WASF3: variants seen among roughly 807,000 people sequenced by gnomAD.
WASF3 encodes the protein actin-binding protein WASF3.
Under a neutral mutation model 46.6 loss-of-function variants are expected in WASF3, and 11 were observed. That is an observed-to-expected ratio of 0.24 (90% CI 0.15 to 0.39). WASF3 has a LOEUF of 0.39. Among genes scored for constraint, WASF3 ranks in the 10% least tolerant of loss-of-function variants. The pLI is 1.00. For missense variants in WASF3, 576 were observed against 669.8 expected, an observed-to-expected ratio of 0.86 and a Z score of 1.55; for synonymous variants, 242 against 259.7, an observed-to-expected ratio of 0.93 and a Z score of 0.65.
At chr13:26,665,227 A>G (rs1882736891) in intron 4 of WASF3, 65 bp downstream of exon 4, 2 of 1,561,556 alleles carry the variant, frequency 1.3e-6, no homozygotes, top group South Asian at 1.1e-5. Flanking sequence ...AATTAATTGC[A>G]GTGTAATTAC....
At chr13:26,680,953 G>T (rs1883206368) in intron 7 of WASF3, 101 bp from the exon 8 acceptor site, 2 of 1,405,146 alleles carry the variant, frequency 1.4e-6, no homozygotes, top group Non-Finnish European at 9.7e-7. Context: ...TCTGATTTTT[G>T]TGTATTAGCA....
chr13:26,606,071 G>A (rs1418437750), intron 1 of WASF3, among the ~76,000 whole-genome samples: 1 of 152,164 alleles, frequency 6.6e-6, no homozygotes, highest in Non-Finnish European at 1.5e-5. Context: ...GGCACCTGGT[G>A]GTGCAGTAAC....
chr13:26,583,582 A>T (rs1380988397), intron 1 of WASF3, among the ~76,000 whole-genome samples: 2 of 152,072 alleles, frequency 1.3e-5, no homozygotes, highest in Admixed American at 6.5e-5. Context: ...TTCATTGAAA[A>T]TTTTTTTAAA....
chr13:26,560,822 CA>C (rs1356364720), intron 1 of WASF3, among the ~76,000 whole-genome samples: 1 of 152,188 alleles, frequency 6.6e-6, no homozygotes, highest in Non-Finnish European at 1.5e-5. Flanking sequence ...AGTTCAGTCT[CA>C]AAGAGTTTTA....
intron 2 of WASF3, chr13:26,626,482 G>A (rs1881466401): frequency 6.6e-6 from 1 of 152,198 alleles, no homozygotes; most frequent in African/African-American, 2.4e-5. Context: ...AAGCCTGACT[G>A]AAGTTTGGCC....
chr13:26,618,845 G>A (rs1468882972), intron 2 of WASF3: 3 of 152,194 alleles, frequency 2.0e-5, no homozygotes, highest in African/African-American at 7.2e-5. Context: ...GCTGCCATTT[G>A]TATTTCTCTG....
chr13:26,606,522 ATT>A (rs769595616), intron 1 of WASF3: 16 of 137,000 alleles, frequency 1.2e-4, no homozygotes, highest in Non-Finnish European at 1.4e-4. Context: ...TGCCCAGCTA[ATT>A]TTTTTTTTTT....
At chr13:26,591,656 C>T (rs979919377) in intron 1 of WASF3, among the ~76,000 whole-genome samples, 5 of 152,052 alleles carry the variant, frequency 3.3e-5, no homozygotes, top group African/African-American at 7.3e-5. Flanking sequence ...TAGACATCCA[C>T]GTGAAGACAC....
chr13:26,643,341 A>AT lies in WASF3; in HGVS notation c.133+947dup, dbSNP rs138658771. On this transcript the variant is annotated intron_variant, in intron 3 of 9. Transcript: ENST00000335327. ...ATTGGTAGCCTCAAGCGAAGGGCAA[A>AT]TTTTTTTTTAACTCAACTACTTTTA... Among the ~76,000 whole-genome samples the AT allele has an allele frequency of 6.7e-3, 1,020 of 151,536 alleles. 5 individuals carry two copies. Among genetic ancestry groups the AT allele is most frequent in the Non-Finnish European group, 0.011 (738 of 67,810 alleles).
intron 1 of WASF3, among the ~76,000 whole-genome samples, chr13:26,580,996 A>G (rs1202993327): frequency 1.3e-5 from 2 of 149,202 alleles, no homozygotes; most frequent in African/African-American, 2.5e-5. Context: ...CAGTGGTACA[A>G]TCTTGGCTCA....
chr13:26,591,748 A>G (rs1272157018), intron 1 of WASF3, among the ~76,000 whole-genome samples: 2 of 152,142 alleles, frequency 1.3e-5, no homozygotes, highest in Non-Finnish European at 2.9e-5. Context: ...TTGTCAGGAT[A>G]TATGTGGCAT....
chr13:26,625,021 A>T (rs1881422429), intron 2 of WASF3, among the ~76,000 whole-genome samples: 1 of 152,208 alleles, frequency 6.6e-6, no homozygotes, highest in African/African-American at 2.4e-5. Flanking sequence ...GGGGCATCAG[A>T]TGGCGGTTGG....
At chr13:26,632,732 G>A (rs963721614) in intron 2 of WASF3, among the ~76,000 whole-genome samples, 5 of 152,152 alleles carry the variant, frequency 3.3e-5, no homozygotes, top group African/African-American at 4.8e-5. Context: ...GATTGGAATC[G>A]TTTCAGAAGG....
the WASF3 span, among the ~76,000 whole-genome samples, chr13:26,549,384 T>C: frequency 6.6e-6 from 1 of 152,186 alleles, no homozygotes; most frequent in Non-Finnish European, 1.5e-5. Context: ...GCAAGAAACA[T>C]TGTACTTAGC....
At chr13:26,576,054 GATGTAT>G (rs1879786897) in intron 1 of WASF3, among the ~76,000 whole-genome samples, 1 of 152,014 alleles carries the variant, frequency 6.6e-6, no homozygotes, top group African/African-American at 2.4e-5. Context: ...TCCAGAGTTT[GATGTAT>G]ATGTATCTTG....
intron 1 of WASF3, among the ~76,000 whole-genome samples, chr13:26,598,949 C>T (rs937619844): frequency 8.5e-5 from 13 of 152,286 alleles, no homozygotes; most frequent in African/African-American, 3.1e-4. Context: ...TGGCTCGCTG[C>T]ATCCTCTGTC....
At chr13:26,654,156 A>G (rs1291980172) in intron 3 of WASF3, among the ~76,000 whole-genome samples, 3 of 152,068 alleles carry the variant, frequency 2.0e-5, no homozygotes, top group Non-Finnish European at 4.4e-5. Context: ...CCCCGCCCCA[A>G]CACAAAGGGA....
chr13:26,638,534 GAATC>G (rs1881898105), intron 2 of WASF3: 1 of 152,138 alleles, frequency 6.6e-6, no homozygotes, highest in Non-Finnish European at 1.5e-5. Flanking sequence ...TCCAATAAAG[GAATC>G]AAGAGGCGTA....
chr13:26,665,604 T>G (rs1882747199), intron 4 of WASF3, among the ~76,000 whole-genome samples: 1 of 152,194 alleles, frequency 6.6e-6, no homozygotes, highest in Non-Finnish European at 1.5e-5. Flanking sequence ...CTGGTGATTC[T>G]GCTGATTTAA....
Sources: allele counts gnomAD v4.1 joint callset (sites outside exome capture counted in the v4.1 genomes callset), GRCh38; gene constraint gnomAD v4.1.1; transcripts MANE v1.5; gene names NCBI Gene and HGNC (gene_info 2026-07-23, HGNC 2026-07-21).